The following BUD13 variants were observed in gnomAD, a reference collection of about 807,000 sequenced individuals.
BUD13 encodes BUD13 homolog.
In BUD13, 47 loss-of-function variants were observed where a neutral mutation model predicts 62.5. The observed-to-expected ratio is 0.75, with a 90% confidence interval of 0.60 to 0.96. The LOEUF (loss-of-function observed/expected upper bound fraction) is 0.96, where lower values mean the gene tolerates loss of function less well. Ranked by LOEUF, BUD13 falls within the 40% of genes least tolerant of loss-of-function variation. The pLI is 0.00. For synonymous variants in BUD13, 293 were observed against 280.1 expected (o/e 1.05, Z -0.46); for missense variants, 821 against 790.9 (o/e 1.04, Z -0.46).
rs750533960 is a variant in BUD13 at position 116,757,748 on chromosome 11, G to A, written c.1684+18C>T. ...TCTTCACAAGTCACCTCCAGCTGAT[G>A]ATTCCCAGAAGTCCCACCTTTTTTA... is the stretch of plus-strand genomic sequence containing the variant. On this transcript the variant is annotated intron_variant, in intron 8 of 9. Transcript: ENST00000260210. 8 of 1,600,338 alleles carry A rather than the reference G, an allele frequency of 5.0e-6. No homozygotes were observed. The South Asian group carries it at 7.9e-5, about 16-fold the overall frequency.
intron 2 of BUD13, among the ~76,000 whole-genome samples, chr11:116,767,598 A>G (rs1488088896): frequency 6.6e-6 from 1 of 150,896 alleles, no homozygotes; most frequent in African/African-American, 2.4e-5. Context: ...ACCAAAAAAA[A>G]AAAAAAAAAA....
chr11:116,761,585 A>G (rs1382497731), intron 4 of BUD13, among the ~76,000 whole-genome samples: 3 of 152,188 alleles, frequency 2.0e-5, no homozygotes, highest in Admixed American at 2.0e-4. Context: ...ACACTCCTCT[A>G]TGTCAGTAAC....
intron 3 of BUD13, 147 bp from the exon 4 acceptor site, chr11:116,763,413 G>A: frequency 4.8e-6 from 3 of 627,494 alleles, no homozygotes; most frequent in Non-Finnish European, 7.6e-6. Context: ...TCTTGCTTAG[G>A]GGCAGCAAAC....
intron 2 of BUD13, among the ~76,000 whole-genome samples, chr11:116,766,627 A>C (rs899210149): frequency 6.6e-6 from 1 of 152,250 alleles, no homozygotes; most frequent in Non-Finnish European, 1.5e-5. Context: ...GATTGCTATA[A>C]GGATTGAATG....
chr11:116,772,801 C>T (rs1940654842), intron 1 of BUD13, 21 bp downstream of exon 1: 1 of 1,536,272 alleles, frequency 6.5e-7, no homozygotes, highest in East Asian at 2.5e-5. Flanking sequence ...GCAGGCCCCG[C>T]CCCGGCCGGT....
At chr11:116,758,168 C>A in intron 7 of BUD13, 101 bp downstream of exon 7, 1 of 1,525,940 alleles carries the variant, frequency 6.6e-7, no homozygotes, top group South Asian at 1.3e-5. Context: ...TTACTGATAA[C>A]AGCTCTGAAG....
intron 2 of BUD13, among the ~76,000 whole-genome samples, chr11:116,768,249 A>T (rs977389573): frequency 2.6e-5 from 4 of 152,178 alleles, no homozygotes; most frequent in African/African-American, 9.6e-5. Flanking sequence ...TGTATCCAGT[A>T]ACAGAACAGA....
Position 116,757,747 on chromosome 11 carries a change from T to A in BUD13, c.1684+19A>T. 1 of 1,600,392 alleles carries A rather than the reference T, an allele frequency of 6.2e-7. No homozygotes were observed. The highest frequency in any genetic ancestry group is 8.5e-7 in the Non-Finnish European group (1 of 1,175,228). On this transcript the variant is annotated intron_variant, in intron 8 of 9. Transcript: ENST00000260210. ...CTCTTCACAAGTCACCTCCAGCTGA[T>A]GATTCCCAGAAGTCCCACCTTTTTT...
chr11:116,748,826 C>T lies in BUD13; in HGVS notation c.1767-251G>A, dbSNP rs1482079364. Among the ~76,000 whole-genome samples the T allele has an allele frequency of 6.6e-5, 10 of 151,942 alleles. No individual in the cohort carries two copies. In the East Asian group the frequency reaches 1.9e-3, roughly 29 times the overall value. On this transcript the variant is annotated intron_variant, in intron 9 of 9. Coordinates refer to ENST00000260210, the MANE Select transcript of BUD13 (RefSeq NM_032725.4). Reference sequence around the variant, plus strand: ...TATGGTGAAACCCTGTCTCTACTAACAATACAAAAATTAGCCAGGTGCAGT... The same window carrying T: ...TATGGTGAAACCCTGTCTCTACTAATAATACAAAAATTAGCCAGGTGCAGT...
intron 9 of BUD13, among the ~76,000 whole-genome samples, chr11:116,755,671 CTAT>C (rs1940309310): frequency 2.0e-5 from 3 of 152,118 alleles, no homozygotes. Flanking sequence ...GTCAAGTTAC[CTAT>C]TATTAAGTCA....
chr11:116,757,229 T>G lies in BUD13; in HGVS notation c.1685-2A>C. The G allele has an allele frequency of 1.2e-6, 2 of 1,612,692 alleles. No homozygotes were observed. Among genetic ancestry groups the G allele is most frequent in the Non-Finnish European group, 1.7e-6 (2 of 1,178,750 alleles). On this transcript the variant is annotated splice_acceptor_variant, in intron 8 of 9. Coordinates refer to ENST00000260210, the MANE Select transcript of BUD13 (RefSeq NM_032725.4). LOFTEE classifies it high-confidence loss of function. ...CTGGACCACTGTAGCGAGGTCTCAC[T>G]AATGAGAGGAGTAAGAAAAAAGTAT...
intron 2 of BUD13, among the ~76,000 whole-genome samples, chr11:116,765,774 T>TA (rs1477827345): frequency 3.3e-5 from 5 of 152,238 alleles, no homozygotes; most frequent in African/African-American, 1.2e-4. Flanking sequence ...TTTACACTTT[T>TA]ACTTCTACAT....
rs764871878 is a variant in BUD13 at position 116,762,943 on chromosome 11, T to C, written c.646A>G (p.Arg216Gly). The stretch of plus-strand genomic sequence containing the variant: ...TCTGGTGAATCATGACGGACTCTCC[T>C]AGGAGATGCACCTGAAGAATTATGC... ...PQHNSSGASPRRVRHDSPDPS... is the reference protein window; with the variant it reads ...PQHNSSGASPGRVRHDSPDPS... Residue 216 changes from arginine to glycine, a missense_variant, in exon 4 of 10, where the codon AGG becomes GGG. Arg to Gly is a moderately radical substitution (Grantham distance 125, BLOSUM62 -2). Around this residue, in one of 2 missense-constraint regions of BUD13, gnomAD observed 800 missense variants for 739.2 expected, o/e 1.08. Coordinates refer to ENST00000260210, the MANE Select transcript of BUD13 (RefSeq NM_032725.4). 1 of 1,614,082 alleles carries C rather than the reference T, an allele frequency of 6.2e-7. No individual in the cohort carries two copies. The highest frequency in any genetic ancestry group is 8.5e-7 in the Non-Finnish European group (1 of 1,179,976).
At chr11:116,769,255 C>T (rs1396959472) in intron 2 of BUD13, among the ~76,000 whole-genome samples, 1 of 152,132 alleles carries the variant, frequency 6.6e-6, no homozygotes, top group East Asian at 1.9e-4. Context: ...TATCTCCCAA[C>T]AGAATACAAA....
At chr11:116,750,761 T>C (rs1281414678) in intron 9 of BUD13, among the ~76,000 whole-genome samples, 1 of 152,214 alleles carries the variant, frequency 6.6e-6, no homozygotes, top group Non-Finnish European at 1.5e-5. Flanking sequence ...TGCAGAGCTG[T>C]TTTTAATCCT....
intron 1 of BUD13, 111 bp downstream of exon 1, chr11:116,772,711 G>A (rs948840112): frequency 1.5e-6 from 2 of 1,358,044 alleles, no homozygotes; most frequent in Middle Eastern, 2.7e-4. Context: ...AGGGGTCGGC[G>A]GAGAAGCCGA....
Position 116,757,181 on chromosome 11 carries a change from A to G in BUD13, c.1731T>C (p.Asn577=), listed in dbSNP as rs1178112066. 2.5e-6 allele frequency: 4 copies of G among 1,614,210 alleles called. No homozygotes were observed. The South Asian group carries it at 4.4e-5, about 18-fold the overall frequency. Residue 577 remains asparagine (N), a synonymous_variant, in exon 9 of 10, where the codon AAT becomes AAC. Transcript: ENST00000260210. The stretch of plus-strand genomic sequence containing the variant: ...CGTCCCAGCGATATCCAGGCCAGAT[A>G]TTAAATCTGTTGGGAGGAGGTGCTG... ...SGPAPPPNRF[N]IWPGYRWDGV...
chr11:116,768,929 G>A (rs1052765279), intron 2 of BUD13, among the ~76,000 whole-genome samples: 2 of 150,338 alleles, frequency 1.3e-5, no homozygotes, highest in South Asian at 4.2e-4. Flanking sequence ...GCAGGAGAAT[G>A]GTGTGAACCC....
chr11:116,767,848 C>T (rs1940558810), intron 2 of BUD13, among the ~76,000 whole-genome samples: 1 of 151,542 alleles, frequency 6.6e-6, no homozygotes, highest in Admixed American at 6.6e-5. Context: ...AGGTGCGCAC[C>T]TGTGGTACCA....
Sources: allele counts gnomAD v4.1 joint callset (sites outside exome capture counted in the v4.1 genomes callset), GRCh38; gene constraint gnomAD v4.1.1; regional missense constraint gnomAD v4.1.1; transcripts MANE v1.5; gene names NCBI Gene and HGNC (gene_info 2026-07-23, HGNC 2026-07-21).